The following MYH7 variants were observed in gnomAD, a reference collection of about 807,000 sequenced individuals.
MYH7 encodes the protein myosin-7.
In MYH7, 129 loss-of-function variants were observed where a neutral mutation model predicts 225.4. That is an observed-to-expected ratio of 0.57 (90% CI 0.50 to 0.66). The LOEUF is 0.66. MYH7 is among the 30% of genes least tolerant of loss of function. The probability of loss-of-function intolerance (pLI) is 0.00; values close to 1 mark genes in which losing one functional copy is unlikely to be tolerated. For missense variants in MYH7, 1,649 were observed against 2,517.0 expected, an observed-to-expected ratio of 0.66 and a Z score of 7.38; for synonymous variants, 971 against 1,007.6, an observed-to-expected ratio of 0.96 and a Z score of 0.69.
chr14:23,425,649 T>C lies in MYH7; in HGVS notation c.2286+46A>G. Reference sequence around the variant, plus strand: ...ACAGGAAAAGCATCAGAGGAGTCAATGGAAAAGAGATGTCTTCCTTTAATT... The same window carrying C: ...ACAGGAAAAGCATCAGAGGAGTCAACGGAAAAGAGATGTCTTCCTTTAATT... On this transcript the variant is annotated intron_variant, in intron 20 of 39. Coordinates refer to ENST00000355349, the MANE Select transcript of MYH7 (RefSeq NM_000257.4). This position sits in a 1 kb window ranked among gnomAD's most constrained non-coding sequence, Gnocchi z 4.6. 1 of 1,613,550 alleles carries C rather than the reference T, an allele frequency of 6.2e-7. No homozygotes were observed. Among genetic ancestry groups the C allele is most frequent in the Non-Finnish European group, 8.5e-7 (1 of 1,179,632 alleles).
chr14:23,433,804 T>A lies in MYH7; in HGVS notation c.-8-64A>T. ...ATTCTTCCCTTCCCTCCCTGGGCTC[T>A]CCCCTTCAGTGGGAGCCCCAAAACC... is the stretch of plus-strand genomic sequence containing the variant. On this transcript the variant is annotated intron_variant, in intron 2 of 39. Coordinates refer to ENST00000355349, the MANE Select transcript of MYH7 (RefSeq NM_000257.4). The surrounding 1 kb of genome is among the most constrained non-coding windows in gnomAD (Gnocchi z 4.1). 1 of 1,513,002 alleles carries A rather than the reference T, an allele frequency of 6.6e-7. No homozygotes were observed. Among genetic ancestry groups the A allele is most frequent in the Non-Finnish European group, 9.1e-7 (1 of 1,097,722 alleles). 93.7% of individuals were successfully genotyped at this position (1,513,002 alleles called of 1,614,324 possible).
At chr14:23,423,480 C>T (rs1892564458) in intron 24 of MYH7, 67 bp downstream of exon 24, 1 of 1,507,644 alleles carries the variant, frequency 6.6e-7, no homozygotes. Context: ...CACACACACA[C>T]ACACACAGAG....
chr14:23,415,205 C>A lies in MYH7; in HGVS notation c.5349G>T (p.Lys1783Asn). The A allele has an allele frequency of 6.2e-7, 1 of 1,614,242 alleles. No homozygotes were observed. ...QDTSAHLERM[K>N]KNMEQTIKDL... ...CCTTAATGGTCTGTTCCATGTTCTTCTTCATGCGCTCCAGGTGGGCGCTGG... is the reference window on the plus strand; with the variant it reads ...CCTTAATGGTCTGTTCCATGTTCTTATTCATGCGCTCCAGGTGGGCGCTGG... Residue 1783 changes from lysine (K) to asparagine (N), a missense_variant, in exon 37 of 40, where the codon AAG (lysine) becomes AAT (asparagine). Physicochemically the swap from Lys to Asn is moderately conservative, Grantham distance 94. Coordinates refer to ENST00000355349, the MANE Select transcript of MYH7 (RefSeq NM_000257.4). This position sits in a 1 kb window ranked among gnomAD's most constrained non-coding sequence, Gnocchi z 6.3.
chr14:23,424,010 T>C lies in MYH7; in HGVS notation c.2819A>G (p.Lys940Arg), dbSNP rs1892589863. ...EEMNAELTAK[K>R]RKLEDECSEL... ...TGAGCACTCATCTTCCAGCTTGCGC[T>C]TCTTGGCAGTGAGCTCAGCATTCAT... The change falls in exon 23 of 40, where the codon AAG (lysine) becomes AGG (arginine). Residue 940 changes from lysine (K) to arginine (R), a missense_variant. Physicochemically the swap from Lys to Arg is conservative, Grantham distance 26. Transcript: ENST00000355349. 4 of 1,614,138 alleles carry C rather than the reference T, an allele frequency of 2.5e-6. No individual in the cohort carries two copies. In the South Asian group the frequency reaches 4.4e-5, roughly 18 times the overall value.
intron 33 of MYH7, 98 bp downstream of exon 33, chr14:23,416,770 T>C: frequency 6.3e-7 from 1 of 1,594,424 alleles, no homozygotes; most frequent in East Asian, 2.2e-5. Flanking sequence ...GCTCTGGGGA[T>C]GGGACAGTGA....
Position 23,415,910 on chromosome 14 carries a change from G to A in MYH7, c.4954-78C>T. Reference sequence around the variant, plus strand: ...CTAAAGGCACCTGTCAGAGGTCCCTGCAGTAACCTAGGGGCAGGAGGAATC... The same window carrying A: ...CTAAAGGCACCTGTCAGAGGTCCCTACAGTAACCTAGGGGCAGGAGGAATC... On this transcript the variant is annotated intron_variant, in intron 34 of 39. Transcript: ENST00000355349. The surrounding 1 kb of genome is among the most constrained non-coding windows in gnomAD (Gnocchi z 6.3). The A allele has an allele frequency of 6.2e-7, 1 of 1,613,000 alleles. No individual in the cohort carries two copies. The highest frequency in any genetic ancestry group is 8.5e-7 in the Non-Finnish European group (1 of 1,179,250).
At position 23,428,496 on chromosome 14, in the gene MYH7, G is replaced by T. The variant is rs747654335; in HGVS notation, c.1578+4C>A. The T allele has an allele frequency of 3.7e-6, 6 of 1,614,044 alleles. No individual in the cohort carries two copies. Among genetic ancestry groups the T allele is most frequent in the Non-Finnish European group, 4.2e-6 (5 of 1,180,048 alleles). ...GAATTCAGGTGGTAAGGCCAAAGAG[G>T]CACCTTCTCGATGAGGTCAATGCAG... On this transcript the variant is annotated splice_donor_region_variant and intron_variant, in intron 15 of 39. Transcript: ENST00000355349.
intron 25 of MYH7, among the ~76,000 whole-genome samples, chr14:23,421,331 C>G (rs903532401): frequency 6.6e-6 from 1 of 152,144 alleles, no homozygotes; most frequent in East Asian, 1.9e-4. Flanking sequence ...ATGAGGGGGT[C>G]GGACTAGATT....
In MYH7 at chr14:23,424,006, G is replaced by A. The variant is rs727503251; in HGVS notation, c.2823C>T (p.Arg941=). The A allele has an allele frequency of 6.2e-7, 1 of 1,614,186 alleles. No individual in the cohort carries two copies. The highest frequency in any genetic ancestry group is 8.5e-7 in the Non-Finnish European group (1 of 1,180,040). ...EMNAELTAKK[R]KLEDECSELK... is the part of the protein sequence containing the mutation. Reference sequence around the variant, plus strand: ...GCTCTGAGCACTCATCTTCCAGCTTGCGCTTCTTGGCAGTGAGCTCAGCAT... The same window carrying A: ...GCTCTGAGCACTCATCTTCCAGCTTACGCTTCTTGGCAGTGAGCTCAGCAT... Residue 941 remains arginine, a synonymous_variant, in exon 23 of 40, where the codon CGC becomes CGT. Coordinates refer to ENST00000355349, the MANE Select transcript of MYH7 (RefSeq NM_000257.4).
rs1359862542 is a variant in MYH7, at chr14:23,428,663, C to T, written c.1415G>A (p.Ser472Asn). 6.2e-7 allele frequency: 1 copy of T among 1,614,082 alleles called. No homozygotes were observed. Among genetic ancestry groups the T allele is most frequent in the East Asian group, 2.2e-5 (1 of 44,870 alleles). ...IAGFEIFDFN[S>N]FEQLCINFTN... is the part of the protein sequence containing the mutation. ...GAAGTTGATGCAGAGCTGCTCAAAG[C>T]TGTTGAACTGCAGGGGGCATGAGGG... Residue 472 changes from serine to asparagine, a missense_variant, in exon 15 of 40, where the codon AGC becomes AAC. Physicochemically the swap from Ser to Asn is conservative, Grantham distance 46. Around this residue, in one of 12 missense-constraint regions of MYH7, gnomAD observed 76 missense variants for 233.8 expected, o/e 0.33. Transcript: ENST00000355349.
chr14:23,423,729 G>A lies in MYH7; in HGVS notation c.2923-6C>T, dbSNP rs587781082. On this transcript the variant is annotated splice_polypyrimidine_tract_variant and splice_region_variant and intron_variant, in intron 23 of 39. Transcript: ENST00000355349. ...TCCTCTGTCAGGTTTTTCACCTGCC[G>A]ACCAAGAATCCCATCTCCTTTAGGG... The A allele has an allele frequency of 1.1e-5, 17 of 1,613,846 alleles. No homozygotes were observed. The highest frequency in any genetic ancestry group is 6.7e-5 in the Admixed American group (4 of 59,968).
At chr14:23,426,901 A>G in intron 17 of MYH7, 37 bp from the exon 18 acceptor site, 1 of 1,557,114 alleles carries the variant, frequency 6.4e-7, no homozygotes, top group Middle Eastern at 1.7e-4. Flanking sequence ...AGTAAAGAAA[A>G]TGCCAGAAAG....
In MYH7 at chr14:23,433,156, G is replaced by C. The variant is rs941916050; in HGVS notation, c.273C>G (p.Ala91=). Residue 91 remains alanine (A), a synonymous_variant, in exon 4 of 40, where the codon GCC becomes GCG. Coordinates refer to ENST00000355349, the MANE Select transcript of MYH7 (RefSeq NM_000257.4). This position sits in a 1 kb window ranked among gnomAD's most constrained non-coding sequence, Gnocchi z 4.1. ...PPKFDKIEDM[A]MLTFLHEPAV... The stretch of plus-strand genomic sequence containing the variant: ...CGGGCTCATGCAGGAAGGTCAGCAT[G>C]GCCATGTCCTCGATTTTGTCGAACT... 1 of 1,614,106 alleles carries C rather than the reference G, an allele frequency of 6.2e-7. No homozygotes were observed. Among genetic ancestry groups the C allele is most frequent in the Non-Finnish European group, 8.5e-7 (1 of 1,180,026 alleles).
At chr14:23,413,202 A>T (rs931263728) in intron 39 of MYH7, among the ~76,000 whole-genome samples, 1 of 152,064 alleles carries the variant, frequency 6.6e-6, no homozygotes, top group Non-Finnish European at 1.5e-5. Context: ...AGTTGGGGGG[A>T]AACTGGGATA....
intron 22 of MYH7, 83 bp from the exon 23 acceptor site, chr14:23,424,232 T>A: frequency 1.9e-6 from 3 of 1,567,350 alleles, no homozygotes; most frequent in Non-Finnish European, 2.6e-6. Flanking sequence ...GGCACATCAC[T>A]CAAATAGGAG....
chr14:23,428,943 G>T lies in MYH7; in HGVS notation c.1407+12C>A. 2 of 1,614,202 alleles carry T rather than the reference G, an allele frequency of 1.2e-6. No individual in the cohort carries two copies. The highest frequency in any genetic ancestry group is 1.7e-6 in the Non-Finnish European group (2 of 1,180,046). On this transcript the variant is annotated intron_variant, in intron 14 of 39. Coordinates refer to ENST00000355349, the MANE Select transcript of MYH7 (RefSeq NM_000257.4). Reference sequence around the variant, plus strand: ...AGTGATTGTTCTCCCACTCCCAGGGGTCCCAACTCACATCGAAGATCTCGA... The same window carrying T: ...AGTGATTGTTCTCCCACTCCCAGGGTTCCCAACTCACATCGAAGATCTCGA...
At position 23,425,548 on chromosome 14, in the gene MYH7, G is replaced by A; in HGVS notation, c.2287-130C>T. The A allele has an allele frequency of 6.3e-7, 1 of 1,576,176 alleles. No individual in the cohort carries two copies. The highest frequency in any genetic ancestry group is 8.7e-7 in the Non-Finnish European group (1 of 1,155,830). On this transcript the variant is annotated intron_variant, in intron 20 of 39. Transcript: ENST00000355349. The surrounding 1 kb of genome is among the most constrained non-coding windows in gnomAD (Gnocchi z 4.6). ...AGGAGGTCAATGGCAGCTGGAGCTGGGATGAGGGGAGTGGTGCTAGATGTT... is the reference window on the plus strand; with the variant it reads ...AGGAGGTCAATGGCAGCTGGAGCTGAGATGAGGGGAGTGGTGCTAGATGTT...
Position 23,419,492 on chromosome 14 carries a change from T to C in MYH7, c.3844A>G (p.Thr1282Ala). Residue 1282 changes from threonine to alanine, a missense_variant, in exon 28 of 40, where the codon ACC (threonine) becomes GCC (alanine). Physicochemically the swap from Thr to Ala is moderately conservative, Grantham distance 58. Transcript: ENST00000355349. ...DLTSQRAKLQ[T>A]ENGELSRQLD... ...CCTGCTCTAGGCTCACCATTCTCGG[T>C]TTGCAACTTGGCCCGCTGGCTGGTG... 1.2e-6 allele frequency: 2 copies of C among 1,614,058 alleles called. No homozygotes were observed. The highest frequency in any genetic ancestry group is 1.7e-6 in the Non-Finnish European group (2 of 1,180,004).
At position 23,426,839 on chromosome 14, in the gene MYH7, T is replaced by C. The variant is rs1060501435; in HGVS notation, c.1982A>G (p.Asn661Ser). ...AAAGTGGGGATGGGTGGAGCGCAAG[T>C]TGGTCATCAGCTTGTTCAGATTTTC... is the stretch of plus-strand genomic sequence containing the variant. ...HRENLNKLMT[N>S]LRSTHPHFVR... is the part of the protein sequence containing the mutation. The change falls in exon 18 of 40, where the codon AAC becomes AGC. Residue 661 changes from asparagine (N) to serine (S), a missense_variant. Coordinates refer to ENST00000355349, the MANE Select transcript of MYH7 (RefSeq NM_000257.4). The C allele has an allele frequency of 1.2e-6, 2 of 1,613,912 alleles. No homozygotes were observed. The highest frequency in any genetic ancestry group is 1.7e-6 in the Non-Finnish European group (2 of 1,179,976).
Sources: allele counts gnomAD v4.1 joint callset (sites outside exome capture counted in the v4.1 genomes callset), GRCh38; gene constraint gnomAD v4.1.1; regional missense constraint gnomAD v4.1.1; non-coding constraint Gnocchi (gnomAD v3.1); transcripts MANE v1.5; gene names NCBI Gene and HGNC (gene_info 2026-07-23, HGNC 2026-07-21).